HSPA9: variants seen among roughly 807,000 people sequenced by gnomAD.
HSPA9 encodes stress-70 protein, mitochondrial.
In HSPA9, 28 loss-of-function variants were observed where a neutral mutation model predicts 81.5. The ratio of observed to expected loss-of-function variants is 0.34; its 90% CI spans 0.25 to 0.47. The LOEUF is 0.47. Among genes scored for constraint, HSPA9 ranks in the 20% least tolerant of loss-of-function variants. HSPA9 has a pLI of 1.00. For synonymous variants in HSPA9, 293 were observed against 290.4 expected, an observed-to-expected ratio of 1.01 and a Z score of -0.09; for missense variants, 678 against 838.0, an observed-to-expected ratio of 0.81 and a Z score of 2.36.
At position 138,559,921 on chromosome 5, in the gene HSPA9, T is replaced by A; in HGVS notation, c.1353A>T (p.Gly451=). ...TPLSLGIETL[G]GVFTKLINRN... ...TATTAATAAGTTTGGTAAAGACACC[T>A]CCTAGAGTTTCAATACCCAGAGACA... The change falls in exon 11 of 17, where the codon GGA becomes GGT. Residue 451 remains glycine, a synonymous_variant. Transcript: ENST00000297185. 6.2e-7 allele frequency: 1 copy of A among 1,614,094 alleles called. No individual in the cohort carries two copies. The highest frequency in any genetic ancestry group is 8.5e-7 in the Non-Finnish European group (1 of 1,179,970).
chr5:138,566,922 T>A (rs1750778981), intron 8 of HSPA9, 79 bp downstream of exon 8: 1 of 1,469,226 alleles, frequency 6.8e-7, no homozygotes, highest in African/African-American at 1.4e-5. Context: ...ACTGAACTCG[T>A]AAACAAAGCA....
chr5:138,575,260 C>G lies in HSPA9; in HGVS notation c.59G>C (p.Gly20Ala). Reference sequence around the variant, plus strand: ...CACCTGGTGGCGGGCGGCCGTAGGGCCCCGGGAGGCTGCGGCGCCCACGAG... The same window carrying G: ...CACCTGGTGGCGGGCGGCCGTAGGGGCCCGGGAGGCTGCGGCGCCCACGAG... ...ARLVGAAASR[G>A]PTAARHQDSW... The change falls in exon 1 of 17, where the codon GGC (glycine) becomes GCC (alanine). Residue 20 changes from glycine to alanine, a missense_variant. Physicochemically the swap from Gly to Ala is moderately conservative, Grantham distance 60. Transcript: ENST00000297185. The G allele has an allele frequency of 6.2e-7, 1 of 1,609,330 alleles. No individual in the cohort carries two copies. Among genetic ancestry groups the G allele is most frequent in the Non-Finnish European group, 8.5e-7 (1 of 1,178,614 alleles).
At chr5:138,557,225 A>C (rs1388967474) in intron 14 of HSPA9, 177 bp downstream of exon 14, 5 of 652,428 alleles carry the variant, frequency 7.7e-6, no homozygotes, top group Non-Finnish European at 1.1e-5. Flanking sequence ...TGAGCCTCCC[A>C]AGTAGCTGGG....
intron 10 of HSPA9, chr5:138,560,832 G>C: frequency 2.3e-6 from 1 of 426,604 alleles, no homozygotes; most frequent in South Asian, 1.7e-5. Context: ...ACAGGCGTAA[G>C]CCACTGTACC....
intron 10 of HSPA9, chr5:138,561,211 C>G (rs1430732060): frequency 2.6e-6 from 1 of 383,324 alleles, no homozygotes; most frequent in Non-Finnish European, 5.3e-6. Context: ...CCTCTGACCT[C>G]AAACTTTGTT....
chr5:138,564,654 T>C (rs1395589294), intron 9 of HSPA9, among the ~76,000 whole-genome samples: 1 of 152,232 alleles, frequency 6.6e-6, no homozygotes, highest in Non-Finnish European at 1.5e-5. Flanking sequence ...ATTCCTGCCC[T>C]GGCCACCCAA....
In HSPA9 at chr5:138,567,065, A is replaced by C; in HGVS notation, c.815T>G (p.Phe272Cys). Reference protein sequence around the residue: ...FEVKSTNGDTFLGGEDFDQAL... With the variant: ...FEVKSTNGDTCLGGEDFDQAL... ...CTGGTCAAAGTCTTCCCCACCTAAG[A>C]AGGTATCCCCATTTGTGGATTTCAC... Residue 272 changes from phenylalanine to cysteine, a missense_variant, in exon 8 of 17, where the codon TTC (phenylalanine) becomes TGC (cysteine). Transcript: ENST00000297185. 1 of 1,613,920 alleles carries C rather than the reference A, an allele frequency of 6.2e-7. No individual in the cohort carries two copies. Among genetic ancestry groups the C allele is most frequent in the Non-Finnish European group, 8.5e-7 (1 of 1,179,944 alleles).
At chr5:138,559,507 C>A (rs1013658183) in intron 11 of HSPA9, among the ~76,000 whole-genome samples, 2 of 152,092 alleles carry the variant, frequency 1.3e-5, no homozygotes, top group African/African-American at 2.4e-5. Flanking sequence ...TAAGAACACT[C>A]CCCTAAGTCT....
chr5:138,572,897 CTTCT>C (rs946920853), intron 3 of HSPA9, among the ~76,000 whole-genome samples: 6 of 151,276 alleles, frequency 4.0e-5, no homozygotes, highest in African/African-American at 9.7e-5. Context: ...TCTATAGTCT[CTTCT>C]TTTTTTTTTT....
intron 3 of HSPA9, among the ~76,000 whole-genome samples, chr5:138,571,734 T>C (rs1419978585): frequency 1.3e-5 from 2 of 149,480 alleles, no homozygotes; most frequent in Admixed American, 1.3e-4. Flanking sequence ...GCAAACTCCC[T>C]GTCCTGGGTT....
intron 12 of HSPA9, 40 bp from the exon 13 acceptor site, chr5:138,558,026 G>A (rs1199163193): frequency 8.0e-7 from 1 of 1,243,910 alleles, no homozygotes; most frequent in Admixed American, 1.7e-5. Flanking sequence ...CTCTTACAGA[G>A]GGGTCCAGTG....
At chr5:138,558,943 A>G (rs992279370) in intron 11 of HSPA9, 3 of 371,610 alleles carry the variant, frequency 8.1e-6, no homozygotes, top group Admixed American at 3.8e-5. Flanking sequence ...TCATCTGGGG[A>G]AACGGGATCA....
At position 138,554,972 on chromosome 5, in the gene HSPA9, C is replaced by T. The variant is rs1375540055; in HGVS notation, c.*1065G>A. ...TAGATGCAGTTTCTTTAATGTAAGC[C>T]AATTCTGGTTATTTCTACTTGGAGC... On this transcript the variant is annotated 3_prime_UTR_variant, in exon 17 of 17. Transcript: ENST00000297185. 1.3e-5 allele frequency: 2 copies of T among 152,110 alleles called. No homozygotes were observed. The highest frequency in any genetic ancestry group is 6.6e-5 in the Admixed American group (1 of 15,266). 9.4% of individuals were successfully genotyped at this position (152,110 alleles called of 1,614,324 possible). A position where few individuals can be genotyped will look rare whatever the true frequency, so the allele number is the denominator to read the frequency against.
At chr5:138,566,891 T>C (rs1750778106) in intron 8 of HSPA9, 110 bp downstream of exon 8, 1 of 1,226,876 alleles carries the variant, frequency 8.2e-7, no homozygotes, top group East Asian at 2.3e-5. Context: ...AGAGTATCTG[T>C]GTCTAGAATA....
At chr5:138,557,586 G>A in intron 13 of HSPA9, 90 bp from the exon 14 acceptor site, 1 of 834,192 alleles carries the variant, frequency 1.2e-6, no homozygotes, top group Non-Finnish European at 2.0e-6. Flanking sequence ...CCTGCTCATA[G>A]CAGCCAATCT....
chr5:138,574,341 G>A (rs1293100225), intron 1 of HSPA9, among the ~76,000 whole-genome samples: 1 of 152,156 alleles, frequency 6.6e-6, no homozygotes, highest in African/African-American at 2.4e-5. Flanking sequence ...ATTAATTTTG[G>A]GCGAAATTTT....
At position 138,554,048 on chromosome 5, in the gene HSPA9, T is replaced by C. The variant is rs1293840431; in HGVS notation, c.*1989A>G. Among the ~76,000 whole-genome samples the C allele has an allele frequency of 6.6e-6, 1 of 152,224 alleles. No individual in the cohort carries two copies. The highest frequency in any genetic ancestry group is 1.5e-5 in the Non-Finnish European group (1 of 68,024). ...GTGGGTGGGACCTCGGTTCCATAAT[T>C]GTGAGCCAGTTTCTTTCTTACAGTA... On this transcript the variant is annotated 3_prime_UTR_variant, in exon 17 of 17. Coordinates refer to ENST00000297185, the MANE Select transcript of HSPA9 (RefSeq NM_004134.7).
chr5:138,559,686 CAAAA>C, intron 11 of HSPA9, 174 bp downstream of exon 11: 1 of 614,314 alleles, frequency 1.6e-6, no homozygotes, highest in Non-Finnish European at 2.9e-6. Context: ...TTTCTGGTAA[CAAAA>C]AAACAAAAAA....
intron 4 of HSPA9, among the ~76,000 whole-genome samples, chr5:138,570,301 C>G (rs935839874): frequency 4.6e-5 from 7 of 152,176 alleles, no homozygotes; most frequent in African/African-American, 1.7e-4. Flanking sequence ...ATAGTGAGCC[C>G]CGTTTCTATT....
Sources: gnomAD v4.1 joint callset for allele counts (sites outside exome capture counted in the v4.1 genomes callset) on GRCh38, gnomAD v4.1.1 for gene constraint, MANE v1.5 for transcripts, NCBI Gene and HGNC (gene_info 2026-07-23, HGNC 2026-07-21) for gene names.